EVC2: variants seen among roughly 807,000 people sequenced by gnomAD.
EVC2 encodes EvC ciliary complex subunit 2, also known as limbin.
A neutral mutation model predicts 149.3 loss-of-function variants in EVC2; 148 were observed. That is an observed-to-expected ratio of 0.99 (90% CI 0.87 to 1.14). The LOEUF is 1.14. EVC2 is among the 50% of genes most tolerant of loss of function. EVC2 has a pLI of 0.00. For missense variants in EVC2, 1,854 were observed against 1,627.3 expected (o/e 1.14, Z -2.40); for synonymous variants, 776 against 649.9 (o/e 1.19, Z -2.95).
At chr4:5,652,515 G>C (rs1266094224) in intron 9 of EVC2, among the ~76,000 whole-genome samples, 1 of 152,198 alleles carries the variant, frequency 6.6e-6, no homozygotes, top group African/African-American at 2.4e-5. Flanking sequence ...ACAGCTCAGA[G>C]ACCAGAAGGC....
intron 17 of EVC2, 120 bp downstream of exon 17, chr4:5,584,500 TCAC>T: frequency 9.9e-7 from 1 of 1,013,388 alleles, no homozygotes; most frequent in East Asian, 2.6e-5. Flanking sequence ...CGTTTAATCC[TCAC>T]CACAACCCCA....
At chr4:5,665,379 G>C in intron 8 of EVC2, 136 bp downstream of exon 8, 1 of 1,295,296 alleles carries the variant, frequency 7.7e-7, no homozygotes, top group Non-Finnish European at 1.1e-6. Flanking sequence ...TTTGGAGGTG[G>C]GCCCTGGGCA....
chr4:5,612,432 G>A (rs1005095706), intron 16 of EVC2, among the ~76,000 whole-genome samples: 2 of 152,146 alleles, frequency 1.3e-5, no homozygotes, highest in Admixed American at 1.3e-4. Context: ...ACTAGTTTTG[G>A]CCAAAAAGGA....
chr4:5,636,998 C>T lies in EVC2; in HGVS notation c.1470+3516G>A, dbSNP rs1037681430. Among the ~76,000 whole-genome samples, 1 of 152,102 alleles carries T rather than the reference C, an allele frequency of 6.6e-6. No homozygotes were observed. The highest frequency in any genetic ancestry group is 6.6e-5 in the Admixed American group (1 of 15,266). ...GGCTGCTTGTCTTTGAACAGAGTGA[C>T]CTAGGACATCCGGAGTGATGGTGCC... On this transcript the variant is annotated intron_variant, in intron 10 of 21. Coordinates refer to ENST00000344408, the MANE Select transcript of EVC2 (RefSeq NM_147127.5). This position sits in a 1 kb window ranked among gnomAD's most constrained non-coding sequence, Gnocchi z 4.6.
intron 9 of EVC2, among the ~76,000 whole-genome samples, chr4:5,647,063 T>C (rs1326469311): frequency 6.6e-6 from 1 of 152,192 alleles, no homozygotes; most frequent in Non-Finnish European, 1.5e-5. Flanking sequence ...CTCCTGCAAC[T>C]GCTTGATATG....
chr4:5,641,712 AG>A, intron 9 of EVC2, among the ~76,000 whole-genome samples: 1 of 152,352 alleles, frequency 6.6e-6, no homozygotes. Context: ...AAATAAAAAA[AG>A]GATTCATTCA....
chr4:5,623,101 A>G, intron 13 of EVC2, 110 bp from the exon 14 acceptor site: 1 of 993,814 alleles, frequency 1.0e-6, no homozygotes, highest in Non-Finnish European at 1.5e-6. Context: ...CTTTTCCCCA[A>G]CAATCTCACA....
intron 9 of EVC2, among the ~76,000 whole-genome samples, chr4:5,654,325 G>T (rs1718360110): frequency 6.6e-6 from 1 of 152,158 alleles, no homozygotes. Context: ...GGCAGAGATG[G>T]CAGTTTTTGA....
Position 5,670,356 on chromosome 4 carries a change from C to T in EVC2, c.871-4707G>A, listed in dbSNP as rs1719560799. On this transcript the variant is annotated intron_variant, in intron 7 of 21. Coordinates refer to ENST00000344408, the MANE Select transcript of EVC2 (RefSeq NM_147127.5). This position sits in a 1 kb window ranked among gnomAD's most constrained non-coding sequence, Gnocchi z 5.2. ...TCACCATCACCACAATGACTGTCAC[C>T]ACCACCATCACCACCATCATTATCA... Among the ~76,000 whole-genome samples, 1 of 152,034 alleles carries T rather than the reference C, an allele frequency of 6.6e-6. No individual in the cohort carries two copies. Among genetic ancestry groups the T allele is most frequent in the African/African-American group, 2.4e-5 (1 of 41,388 alleles).
Position 5,565,846 on chromosome 4 carries a change from C to T in EVC2, c.3558-487G>A, listed in dbSNP as rs1188863586. ...CTTCTGCAGCCTCATCAAGATGCAA[C>T]CTCTGCCCTCAAGGGGCCAAGTCTA... On this transcript the variant is annotated intron_variant, in intron 20 of 21. Transcript: ENST00000344408. 2.6e-5 allele frequency among the ~76,000 whole-genome samples: 4 copies of T among 152,300 alleles called. No individual in the cohort carries two copies. The South Asian group carries it at 8.3e-4, about 32-fold the overall frequency.
chr4:5,546,961 C>A (rs1244268221), intron 21 of EVC2, among the ~76,000 whole-genome samples: 1 of 152,186 alleles, frequency 6.6e-6, no homozygotes, highest in Non-Finnish European at 1.5e-5. Context: ...GACTGTGGAA[C>A]CAGGCCTTCT....
intron 9 of EVC2, among the ~76,000 whole-genome samples, chr4:5,642,978 TG>T: frequency 6.6e-6 from 1 of 152,338 alleles, no homozygotes; most frequent in South Asian, 2.1e-4. Context: ...CATCTTTAAC[TG>T]TCAAGGAGTC....
chr4:5,620,990 G>C (rs1047428702), intron 14 of EVC2, among the ~76,000 whole-genome samples: 9 of 152,148 alleles, frequency 5.9e-5, no homozygotes, highest in African/African-American at 2.2e-4. Flanking sequence ...AGAGAAGACA[G>C]AATCTTGTTT....
chr4:5,570,807 C>G (rs1376360496), intron 19 of EVC2, among the ~76,000 whole-genome samples: 3 of 152,180 alleles, frequency 2.0e-5, no homozygotes, highest in African/African-American at 7.2e-5. Flanking sequence ...TAGAATACTA[C>G]TCAGCCATAA....
intron 12 of EVC2, among the ~76,000 whole-genome samples, chr4:5,627,404 CG>C (rs754439777): frequency 8.5e-5 from 13 of 152,050 alleles, no homozygotes; most frequent in Non-Finnish European, 1.8e-4. Context: ...ATCAGGAATG[CG>C]AAGTAAATTG....
chr4:5,662,245 T>A (rs949941734), intron 9 of EVC2, among the ~76,000 whole-genome samples: 3 of 152,050 alleles, frequency 2.0e-5, no homozygotes, highest in African/African-American at 4.8e-5. Flanking sequence ...AGCTTCTTCA[T>A]AAGCTTTCAG....
At chr4:5,586,510 G>C (rs1484768542) in intron 16 of EVC2, among the ~76,000 whole-genome samples, 2 of 152,134 alleles carry the variant, frequency 1.3e-5, no homozygotes, top group African/African-American at 2.4e-5. Flanking sequence ...AGCTGAACAT[G>C]CCTCCTTATA....
At chr4:5,644,709 A>G (rs1261779035) in intron 9 of EVC2, among the ~76,000 whole-genome samples, 1 of 152,158 alleles carries the variant, frequency 6.6e-6, no homozygotes, top group East Asian at 1.9e-4. Context: ...GGCTCCAGTA[A>G]CCACTATTCT....
rs367698827 is a variant in EVC2, at chr4:5,678,591, G to A, written c.870+2669C>T. 8.5e-4 allele frequency among the ~76,000 whole-genome samples: 130 copies of A among 152,302 alleles called. 1 individual carries two copies. The highest frequency in any genetic ancestry group is 6.8e-3 in the Middle Eastern group (2 of 294). ...TTCCTAATTGTGCAAACACCACAGA[G>A]TGACTTACACCAACCTAGATGATCT... is the stretch of plus-strand genomic sequence containing the variant. On this transcript the variant is annotated intron_variant, in intron 7 of 21. Coordinates refer to ENST00000344408, the MANE Select transcript of EVC2 (RefSeq NM_147127.5).
Sources: gnomAD v4.1 joint callset for allele counts (sites outside exome capture counted in the v4.1 genomes callset) on GRCh38, gnomAD v4.1.1 for gene constraint, Gnocchi (gnomAD v3.1) non-coding constraint, MANE v1.5 for transcripts, NCBI Gene and HGNC (gene_info 2026-07-23, HGNC 2026-07-21) for gene names.